The following SLC18B1 variants were observed in gnomAD, a reference collection of about 807,000 sequenced individuals.
SLC18B1 encodes solute carrier family 18 member B1.
In SLC18B1, 62 loss-of-function variants were observed where a neutral mutation model predicts 53.9. The observed-to-expected ratio is 1.15, with a 90% CI of 0.94 to 1.42. SLC18B1 has a LOEUF of 1.42. SLC18B1 is among the 40% of genes most tolerant of loss of function. The pLI, the probability that SLC18B1 is intolerant of heterozygous loss-of-function variation, is 0.00. For synonymous variants in SLC18B1, 217 were observed against 200.9 expected, an observed-to-expected ratio of 1.08 and a Z score of -0.68; for missense variants, 598 against 547.3, an observed-to-expected ratio of 1.09 and a Z score of -0.93.
chr6:132,791,397 T>A (rs1371163788), intron 2 of SLC18B1, among the ~76,000 whole-genome samples: 10 of 152,222 alleles, frequency 6.6e-5, no homozygotes, highest in African/African-American at 2.4e-4. Flanking sequence ...CTTTTCTCTC[T>A]ACAATTGATG....
At chr6:132,795,405 C>T (rs950090614) in intron 2 of SLC18B1, among the ~76,000 whole-genome samples, 3 of 152,054 alleles carry the variant, frequency 2.0e-5, no homozygotes, top group East Asian at 1.9e-4. Flanking sequence ...CTTCTGAGAC[C>T]GTTTCTTCAT....
At chr6:132,795,095 A>G (rs1456349177) in intron 2 of SLC18B1, among the ~76,000 whole-genome samples, 1 of 152,140 alleles carries the variant, frequency 6.6e-6, no homozygotes, top group East Asian at 1.9e-4. Flanking sequence ...TGGCAGAATT[A>G]ACCATTCTTC....
intron 5 of SLC18B1, among the ~76,000 whole-genome samples, chr6:132,786,389 C>CA (rs11398046): frequency 0.048 from 7,123 of 149,916 alleles, 567 homozygotes; most frequent in African/African-American, 0.16. Flanking sequence ...ACTAAAAATA[C>CA]AAAAAAAAAT....
At chr6:132,792,271 GAAAGAAAGAAAGGAAGA>G (rs1781551161) in intron 2 of SLC18B1, among the ~76,000 whole-genome samples, 1 of 48,958 alleles carries the variant, frequency 2.0e-5, no homozygotes, top group Non-Finnish European at 3.7e-5. Context: ...AAGAAAGAAA[GAAAGAAAGAAAGGAAGA>G]AAGGAAGGAA....
chr6:132,775,128 T>C (rs959874895), intron 8 of SLC18B1, among the ~76,000 whole-genome samples: 1 of 152,190 alleles, frequency 6.6e-6, no homozygotes, highest in Non-Finnish European at 1.5e-5. Context: ...ATAGAATTAG[T>C]ATCCTTATAC....
chr6:132,791,556 A>G (rs1392102299), intron 2 of SLC18B1, among the ~76,000 whole-genome samples: 1 of 152,170 alleles, frequency 6.6e-6, no homozygotes, highest in East Asian at 1.9e-4. Flanking sequence ...GAAGCCAGAG[A>G]AGTGAACTCT....
At chr6:132,790,487 C>T (rs748041068) in intron 2 of SLC18B1, among the ~76,000 whole-genome samples, 13 of 152,106 alleles carry the variant, frequency 8.5e-5, no homozygotes, top group Admixed American at 4.6e-4. Flanking sequence ...AAATAATTCA[C>T]TCACCATACC....
chr6:132,770,916 A>AT lies in SLC18B1; in HGVS notation c.1277dup (p.Tyr426Ter), dbSNP rs1370344643. 3 of 1,612,638 alleles carry AT rather than the reference A, an allele frequency of 1.9e-6. No homozygotes were observed. The South Asian group carries it at 3.3e-5, about 18-fold the overall frequency. The change falls in exon 13 of 14, where the codon TAT becomes TAAT. Residue 426 changes from tyrosine to a stop codon, truncating the protein, a stop_gained and frameshift_variant. Coordinates refer to ENST00000275227, the MANE Select transcript of SLC18B1 (RefSeq NM_052831.3). LOFTEE classifies it low-confidence loss of function (END_TRUNC). ...TTTTTCTCCTTGAATACTCCAGTAG[A>AT]TAAAACAAGCCCATGGCTAATCCCT... ...LISGLAMGLF[Y>*]LLEYSRRKRS...
chr6:132,782,795 G>A (rs541296508), intron 6 of SLC18B1, among the ~76,000 whole-genome samples: 1 of 145,098 alleles, frequency 6.9e-6, no homozygotes, highest in Non-Finnish European at 1.5e-5. Flanking sequence ...TTTTTTTTGA[G>A]ATGGAGTCTC....
chr6:132,779,840 G>A (rs1781187267), intron 6 of SLC18B1, among the ~76,000 whole-genome samples: 1 of 152,184 alleles, frequency 6.6e-6, no homozygotes, highest in Admixed American at 6.5e-5. Context: ...TCACAATCAT[G>A]GTGGAAGACG....
chr6:132,791,682 A>G (rs1425314808), intron 2 of SLC18B1, among the ~76,000 whole-genome samples: 1 of 152,138 alleles, frequency 6.6e-6, no homozygotes, highest in African/African-American at 2.4e-5. Flanking sequence ...CCACAGCTCC[A>G]TGGTAATGGC....
intron 1 of SLC18B1, among the ~76,000 whole-genome samples, chr6:132,798,144 G>A (rs1480397742): frequency 6.6e-6 from 1 of 152,194 alleles, no homozygotes; most frequent in East Asian, 1.9e-4. Flanking sequence ...TTGCCTAATG[G>A]CATACTTATT....
chr6:132,792,225 C>CAAGAAAGAAAGAAAGAAAGAAGGAA (rs553756627), intron 2 of SLC18B1, among the ~76,000 whole-genome samples: 1 of 44,538 alleles, frequency 2.2e-5, no homozygotes, highest in African/African-American at 7.5e-5. Flanking sequence ...AAGACACTGT[C>CAAGAAAGAAAGAAAGAAAGAAGGAA]AGAAAGAAAG....
chr6:132,792,225 C>CAGAAAGAA (rs1554223211), intron 2 of SLC18B1, among the ~76,000 whole-genome samples: 1 of 44,570 alleles, frequency 2.2e-5, no homozygotes, highest in South Asian at 9.5e-4. Context: ...AAGACACTGT[C>CAGAAAGAA]AGAAAGAAAG....
At chr6:132,774,350 A>C in intron 8 of SLC18B1, 37 bp from the exon 9 acceptor site, 1 of 1,489,138 alleles carries the variant, frequency 6.7e-7, no homozygotes, top group Non-Finnish European at 9.3e-7. Flanking sequence ...TGATTCTTAG[A>C]GGCAAAGACC....
intron 11 of SLC18B1, 72 bp from the exon 12 acceptor site, chr6:132,771,201 A>C: frequency 7.4e-7 from 1 of 1,344,916 alleles, no homozygotes; most frequent in Non-Finnish European, 1.1e-6. Flanking sequence ...AAGCTACATG[A>C]TCCTTCAATT....
intron 5 of SLC18B1, among the ~76,000 whole-genome samples, chr6:132,785,850 C>T (rs1313353284): frequency 2.3e-5 from 3 of 128,632 alleles, no homozygotes; most frequent in Admixed American, 1.8e-4. Context: ...TGCTTGAGGC[C>T]AGGTGTTCAA....
At chr6:132,792,275 G>GAGAGAC (rs1781552034) in intron 2 of SLC18B1, among the ~76,000 whole-genome samples, 2 of 52,670 alleles carry the variant, frequency 3.8e-5, no homozygotes, top group Non-Finnish European at 6.8e-5. Flanking sequence ...AAGAAAGAAA[G>GAGAGAC]AAAGAAAGGA....
At chr6:132,796,771 A>G (rs1378968193) in intron 2 of SLC18B1, among the ~76,000 whole-genome samples, 1 of 152,040 alleles carries the variant, frequency 6.6e-6, no homozygotes, top group Non-Finnish European at 1.5e-5. Context: ...TAGGTGAATT[A>G]CCTCCCAAGA....
Sources: allele counts gnomAD v4.1 joint callset (sites outside exome capture counted in the v4.1 genomes callset), GRCh38; gene constraint gnomAD v4.1.1; transcripts MANE v1.5; gene names NCBI Gene and HGNC (gene_info 2026-07-23, HGNC 2026-07-21).